PARD3B: variants seen among roughly 807,000 people sequenced by gnomAD.
PARD3B encodes partitioning defective 3 homolog B.
In PARD3B, 103 loss-of-function variants were observed where a neutral mutation model predicts 130.2. That is an observed-to-expected ratio of 0.79 (90% CI 0.67 to 0.93). The LOEUF is 0.93. PARD3B is among the 40% of genes least tolerant of loss of function. The pLI is 0.00. For missense variants in PARD3B, 1,609 were observed against 1,499.2 expected, an observed-to-expected ratio of 1.07 and a Z score of -1.21; for synonymous variants, 583 against 553.2, an observed-to-expected ratio of 1.05 and a Z score of -0.76.
Position 205,562,451 on chromosome 2 carries a change from C to T in PARD3B, c.3260+9048C>T, listed in dbSNP as rs1354940695. Among the ~76,000 whole-genome samples, 2 of 152,212 alleles carry T rather than the reference C, an allele frequency of 1.3e-5. No individual in the cohort carries two copies. Among genetic ancestry groups the T allele is most frequent in the Non-Finnish European group, 2.9e-5 (2 of 68,036 alleles). On this transcript the variant is annotated intron_variant, in intron 22 of 22. Transcript: ENST00000406610. This position sits in a 1 kb window ranked among gnomAD's most constrained non-coding sequence, Gnocchi z 5.4. Reference sequence around the variant, plus strand: ...CCATAGAAAATTCCAAACTGCTACACATTTGTTGGCTAAGTACTCTTTTGA... The same window carrying T: ...CCATAGAAAATTCCAAACTGCTACATATTTGTTGGCTAAGTACTCTTTTGA...
chr2:205,194,638 A>G lies in PARD3B; in HGVS notation c.2140+1318A>G, dbSNP rs375987166. On this transcript the variant is annotated intron_variant, in intron 15 of 22. Coordinates refer to ENST00000406610, the MANE Select transcript of PARD3B (RefSeq NM_001302769.2). Reference sequence around the variant, plus strand: ...GAAATATATTTGTTTTCCTCATTTAATTAAAGCAGCCACTATTATGTTTCT... The same window carrying G: ...GAAATATATTTGTTTTCCTCATTTAGTTAAAGCAGCCACTATTATGTTTCT... Among the ~76,000 whole-genome samples the G allele has an allele frequency of 1.7e-3, 258 of 152,318 alleles. 1 individual carries two copies. Among genetic ancestry groups the G allele is most frequent in the Non-Finnish European group, 2.9e-3 (199 of 68,038 alleles).
chr2:204,848,641 G>GTCTATCTATCTATCTATCTATCTA lies in PARD3B; in HGVS notation c.223-116488_223-116487insATCTATCTATCTATCTATCTATCT, dbSNP rs112373204. 2.2e-3 allele frequency among the ~76,000 whole-genome samples: 328 copies of GTCTATCTATCTATCTATCTATCTA among 148,450 alleles called. 2 individuals are homozygous for GTCTATCTATCTATCTATCTATCTA. In the Middle Eastern group the frequency reaches 0.028, roughly 13 times the overall value. On this transcript the variant is annotated intron_variant, in intron 2 of 22. Transcript: ENST00000406610. Reference sequence around the variant, plus strand: ...AGCCTGGATGATAGAGTGAGACTCTGTCTATCTATCTATCTATCTATCTGT... The same window carrying GTCTATCTATCTATCTATCTATCTA: ...AGCCTGGATGATAGAGTGAGACTCTGTCTATCTATCTATCTATCTATCTATCTATCTATCTATCTATCTATCTGT...
At chr2:204,681,681 G>C (rs986533504) in intron 1 of PARD3B, among the ~76,000 whole-genome samples, 1 of 152,084 alleles carries the variant, frequency 6.6e-6, no homozygotes, top group African/African-American at 2.4e-5. Flanking sequence ...ACTGCTCTGT[G>C]GCTGGCTACT....
chr2:205,217,894 A>ATTTTTTT lies in PARD3B; in HGVS notation c.2140+24579_2140+24585dup, dbSNP rs755570882. 1.4e-3 allele frequency among the ~76,000 whole-genome samples: 45 copies of ATTTTTTT among 31,066 alleles called. 2 individuals carry two copies. Among genetic ancestry groups the ATTTTTTT allele is most frequent in the African/African-American group, 4.9e-3 (38 of 7,806 alleles). 20.4% of individuals were successfully genotyped at this position (31,066 alleles called of 152,430 possible). A position where few individuals can be genotyped will look rare whatever the true frequency, so the allele number is the denominator to read the frequency against. On this transcript the variant is annotated intron_variant, in intron 15 of 22. Coordinates refer to ENST00000406610, the MANE Select transcript of PARD3B (RefSeq NM_001302769.2). ...TATATATATATATATATATATATAT[A>ATTTTTTT]TTTTTTTTTTTATTTTTTTGAGATG...
chr2:205,479,567 G>A (rs983615207), intron 20 of PARD3B, among the ~76,000 whole-genome samples: 8 of 152,206 alleles, frequency 5.3e-5, no homozygotes, highest in African/African-American at 1.7e-4. Context: ...AATAGCCTGT[G>A]CTTAGGAAAA....
chr2:205,459,777 G>A (rs1233089597), intron 20 of PARD3B, among the ~76,000 whole-genome samples: 1 of 152,122 alleles, frequency 6.6e-6, no homozygotes, highest in Admixed American at 6.5e-5. Flanking sequence ...AGGAAGGATG[G>A]GTTTGCTTCC....
At chr2:205,036,501 CTA>C (rs1559375350) in intron 3 of PARD3B, among the ~76,000 whole-genome samples, 1 of 146,228 alleles carries the variant, frequency 6.8e-6, no homozygotes, top group South Asian at 2.1e-4. Flanking sequence ...ATATAGCAGA[CTA>C]TATATAAAAA....
chr2:205,406,127 C>T (rs78171695), intron 19 of PARD3B, among the ~76,000 whole-genome samples: 3,062 of 152,244 alleles, frequency 0.02, 39 homozygotes, highest in Non-Finnish European at 0.034. Flanking sequence ...CTTACAGAAT[C>T]AAGACTTTGT....
At chr2:205,024,923 G>A (rs6435268) in intron 3 of PARD3B, among the ~76,000 whole-genome samples, 48,475 of 151,972 alleles carry the variant, frequency 0.32, 7,984 homozygotes, top group South Asian at 0.5. Flanking sequence ...TCTGTTTGCC[G>A]TTTGGTATGT....
intron 1 of PARD3B, among the ~76,000 whole-genome samples, chr2:204,649,810 G>T (rs2035414952): frequency 6.6e-6 from 1 of 152,084 alleles, no homozygotes; most frequent in Non-Finnish European, 1.5e-5. Flanking sequence ...ACTATAAAAA[G>T]CTGGAAGACA....
intron 2 of PARD3B, among the ~76,000 whole-genome samples, chr2:204,875,967 G>T (rs2045826367): frequency 6.6e-6 from 1 of 152,178 alleles, no homozygotes; most frequent in Non-Finnish European, 1.5e-5. Context: ...GCAGGGTCTT[G>T]CCTCAGTTTC....
At chr2:205,112,053 T>A (rs1703683796) in intron 5 of PARD3B, among the ~76,000 whole-genome samples, 1 of 152,136 alleles carries the variant, frequency 6.6e-6, no homozygotes, top group Non-Finnish European at 1.5e-5. Flanking sequence ...ATATGAGTGT[T>A]CATATCCTCA....
chr2:205,485,544 G>A (rs931861107), intron 20 of PARD3B, among the ~76,000 whole-genome samples: 1 of 152,186 alleles, frequency 6.6e-6, no homozygotes, highest in Admixed American at 6.5e-5. Flanking sequence ...TCCATAGGTT[G>A]TGATATATGG....
chr2:205,065,777 C>T (rs1178549075), intron 4 of PARD3B, among the ~76,000 whole-genome samples: 2 of 151,406 alleles, frequency 1.3e-5, no homozygotes, highest in Admixed American at 1.3e-4. Context: ...CTTTAACCTT[C>T]CCTGCCATGT....
intron 18 of PARD3B, among the ~76,000 whole-genome samples, chr2:205,358,820 T>A (rs1462345808): frequency 6.6e-6 from 1 of 152,216 alleles, no homozygotes; most frequent in African/African-American, 2.4e-5. Flanking sequence ...GTATAGTTTT[T>A]AGCATTTATC....
chr2:204,788,686 AG>A (rs2042095418), intron 2 of PARD3B, among the ~76,000 whole-genome samples: 2 of 152,228 alleles, frequency 1.3e-5, no homozygotes, highest in Admixed American at 1.3e-4. Context: ...AATCACTTAA[AG>A]GTACTGGGCA....
chr2:204,592,898 A>G (rs1375986864), intron 1 of PARD3B, among the ~76,000 whole-genome samples: 1 of 152,148 alleles, frequency 6.6e-6, no homozygotes, highest in Non-Finnish European at 1.5e-5. Context: ...GTCCTTTGTG[A>G]TTAGCTTCTT....
intron 2 of PARD3B, among the ~76,000 whole-genome samples, chr2:204,915,538 G>T (rs1306755314): frequency 1.3e-5 from 2 of 151,972 alleles, no homozygotes; most frequent in Non-Finnish European, 2.9e-5. Flanking sequence ...AACATTTTCA[G>T]AGTTATATGT....
At chr2:204,755,209 G>C (rs1005381707) in intron 2 of PARD3B, among the ~76,000 whole-genome samples, 1 of 152,098 alleles carries the variant, frequency 6.6e-6, no homozygotes, top group Non-Finnish European at 1.5e-5. Context: ...TTTAGGGGAA[G>C]CTCCTAACTA....
Sources: allele counts gnomAD v4.1 joint callset (sites outside exome capture counted in the v4.1 genomes callset), GRCh38; gene constraint gnomAD v4.1.1; non-coding constraint Gnocchi (gnomAD v3.1); transcripts MANE v1.5; gene names NCBI Gene and HGNC (gene_info 2026-07-23, HGNC 2026-07-21).